The following TMEM114 variants were observed in gnomAD, a reference collection of about 807,000 sequenced individuals.
TMEM114 encodes claudin-26.
A neutral mutation model predicts 6.2 loss-of-function variants in TMEM114; 6 were observed. The ratio of observed to expected loss-of-function variants is 0.97; its 90% CI spans 0.53 to 1.91. The LOEUF (loss-of-function observed/expected upper bound fraction) is 1.91. TMEM114 is among the 40% of genes most tolerant of loss of function. TMEM114 has a pLI of 0.01. For synonymous variants in TMEM114, 104 were observed against 73.0 expected, an observed-to-expected ratio of 1.42 and a Z score of -2.16; for missense variants, 218 against 158.3, an observed-to-expected ratio of 1.38 and a Z score of -2.02.
chr16:8,587,375 G>C (rs1346556768), intron 2 of TMEM114, among the ~76,000 whole-genome samples: 2 of 152,220 alleles, frequency 1.3e-5, no homozygotes, highest in African/African-American at 4.8e-5. Flanking sequence ...GATAGACATG[G>C]TCCTTGTCCC....
downstream of TMEM114, among the ~76,000 whole-genome samples, chr16:8,534,198 G>T (rs1406971634): frequency 6.6e-6 from 1 of 152,236 alleles, no homozygotes; most frequent in Admixed American, 6.5e-5. Flanking sequence ...GTTTCGCAGT[G>T]TGATGACTGG....
At chr16:8,576,740 A>AAGGAAGGAAGGAAAGAAGGG (rs1567208921) in intron 2 of TMEM114, among the ~76,000 whole-genome samples, 11 of 151,732 alleles carry the variant, frequency 7.2e-5, no homozygotes, top group African/African-American at 2.7e-4. Flanking sequence ...GGAAGGAAGG[A>AAGGAAGGAAGGAAAGAAGGG]AGGAAGGAAG....
In TMEM114 at chr16:8,547,371, GCTTTCTTT is replaced by G. The variant is rs138022382; in HGVS notation, n.213-9553_213-9546del. Among the ~76,000 whole-genome samples the G allele has an allele frequency of 3.9e-3, 554 of 143,022 alleles. 2 individuals are homozygous for G. Among genetic ancestry groups the G allele is most frequent in the South Asian group, 0.026 (116 of 4,540 alleles). 93.8% of individuals were successfully genotyped at this position (143,022 alleles called of 152,430 possible). A position where few individuals can be genotyped will look rare whatever the true frequency, so the allele number is the denominator to read the frequency against. ...ATTCCCATTGCCCCTGAAGAGACGC[GCTTTCTTT>G]CTTTCTTTCTTTCTTTCTTTTTTTT... On this transcript the variant is annotated intron_variant and non_coding_transcript_variant, in intron 2 of 2. Coordinates refer to the TMEM114 transcript ENST00000623677.
At chr16:8,539,288 C>A (rs1006898827) in intron 2 of TMEM114, among the ~76,000 whole-genome samples, 1 of 152,156 alleles carries the variant, frequency 6.6e-6, no homozygotes, top group African/African-American at 2.4e-5. Flanking sequence ...ACACAAGATT[C>A]GGGAGTCCTT....
downstream of TMEM114, among the ~76,000 whole-genome samples, chr16:8,564,699 G>T (rs867809329): frequency 6.7e-6 from 1 of 149,876 alleles, no homozygotes; most frequent in African/African-American, 2.5e-5. Flanking sequence ...GTGAATGAGT[G>T]AGTGAGTGAA....
the TMEM114 span, among the ~76,000 whole-genome samples, chr16:8,528,106 G>T: frequency 1.3e-5 from 2 of 152,002 alleles, no homozygotes; most frequent in Non-Finnish European, 2.9e-5. Flanking sequence ...TCGCCATGCT[G>T]CCCAGGCTGT....
intron 2 of TMEM114, among the ~76,000 whole-genome samples, chr16:8,549,966 G>T (rs1222327274): frequency 6.6e-6 from 1 of 152,166 alleles, no homozygotes; most frequent in Non-Finnish European, 1.5e-5. Flanking sequence ...CAAAACCAGG[G>T]AAGCCGACAG....
chr16:8,581,807 AT>A (rs1329651458), intron 2 of TMEM114, among the ~76,000 whole-genome samples: 1 of 152,168 alleles, frequency 6.6e-6, no homozygotes, highest in Non-Finnish European at 1.5e-5. Context: ...TGTGGCCTTT[AT>A]TTTTTAATGG....
chr16:8,576,750 GGAA>G (rs1901949942), intron 2 of TMEM114, among the ~76,000 whole-genome samples: 1 of 145,812 alleles, frequency 6.9e-6, no homozygotes, highest in African/African-American at 2.5e-5. Flanking sequence ...AAGGAAGGAA[GGAA>G]GGAAGGAAGG....
chr16:8,586,945 C>G (rs1225076612), intron 2 of TMEM114, among the ~76,000 whole-genome samples: 2 of 152,190 alleles, frequency 1.3e-5, no homozygotes. Flanking sequence ...TAGGGTATGT[C>G]TCCTTTGGTG....
intron 2 of TMEM114, among the ~76,000 whole-genome samples, chr16:8,582,008 T>C (rs551888627): frequency 5.9e-5 from 9 of 152,302 alleles, no homozygotes; most frequent in African/African-American, 2.2e-4. Flanking sequence ...CCTCACCTCC[T>C]CCACTCTTGC....
At chr16:8,548,012 C>T (rs538766542) in intron 2 of TMEM114, among the ~76,000 whole-genome samples, 1 of 152,204 alleles carries the variant, frequency 6.6e-6, no homozygotes, top group South Asian at 2.1e-4. Context: ...AAGACTCTGG[C>T]CAAAACATTT....
downstream of TMEM114, among the ~76,000 whole-genome samples, chr16:8,532,969 C>T (rs957656226): frequency 6.6e-6 from 1 of 152,090 alleles, no homozygotes; most frequent in Admixed American, 6.6e-5. Context: ...ATTCATTCAA[C>T]AGATGTTTTC....
the TMEM114 span, among the ~76,000 whole-genome samples, chr16:8,528,439 C>T: frequency 1.3e-5 from 2 of 152,182 alleles, no homozygotes; most frequent in Non-Finnish European, 2.9e-5. Flanking sequence ...CTCCCCCAAA[C>T]ATAGACAGCT....
At chr16:8,536,082 G>T (rs561816210), downstream of TMEM114, among the ~76,000 whole-genome samples, 1 of 152,128 alleles carries the variant, frequency 6.6e-6, no homozygotes, top group South Asian at 2.1e-4. Flanking sequence ...AAAATCAGCT[G>T]GGTGTGGTGA....
At position 8,569,594 on chromosome 16, in the gene TMEM114, A is replaced by G; in HGVS notation, c.*179T>C. On this transcript the variant is annotated 3_prime_UTR_variant, in exon 4 of 4. Coordinates refer to ENST00000620492, the MANE Select transcript of TMEM114 (RefSeq NM_001146336.2). ...CGGACACACACGGACATAAGCACAC[A>G]GGTACTAGGATAACAGCCAGGCCCC... 4.2e-6 allele frequency: 6 copies of G among 1,429,136 alleles called. No individual in the cohort carries two copies. In the South Asian group the frequency reaches 7.5e-5, roughly 18 times the overall value. 88.5% of individuals were successfully genotyped at this position (1,429,136 alleles called of 1,614,324 possible). A position where few individuals can be genotyped will look rare whatever the true frequency, so the allele number is the denominator to read the frequency against.
chr16:8,567,035 G>T (rs886106914), downstream of TMEM114, among the ~76,000 whole-genome samples: 3 of 151,066 alleles, frequency 2.0e-5, no homozygotes, highest in Admixed American at 6.6e-5. Context: ...CAAGTAGCTG[G>T]GATTACAGGC....
At chr16:8,559,265 A>G (rs1482066566) in intron 2 of TMEM114, among the ~76,000 whole-genome samples, 1 of 151,084 alleles carries the variant, frequency 6.6e-6, no homozygotes, top group Non-Finnish European at 1.5e-5. Flanking sequence ...CTGGTCTCCA[A>G]CTCATAACCT....
At position 8,557,162 on chromosome 16, in the gene TMEM114, T is replaced by C. The variant is rs374515229; in HGVS notation, n.213-19336A>G. 1.3e-3 allele frequency among the ~76,000 whole-genome samples: 202 copies of C among 152,208 alleles called. 6 individuals are homozygous for C. In the South Asian group the frequency reaches 0.039, roughly 30 times the overall value. On this transcript the variant is annotated intron_variant and non_coding_transcript_variant, in intron 2 of 2. Coordinates refer to the TMEM114 transcript ENST00000623677. ...GACCTTGATACTTCTCCCAGGGAGG[T>C]TGAGGTCTATGTTCCCTCCTTGTGA...
Sources: allele counts gnomAD v4.1 joint callset (sites outside exome capture counted in the v4.1 genomes callset), GRCh38; gene constraint gnomAD v4.1.1; transcripts MANE v1.5; gene names NCBI Gene and HGNC (gene_info 2026-07-23, HGNC 2026-07-21).